The following RTTN variants were observed in gnomAD, a reference collection of about 807,000 sequenced individuals.
The protein encoded by RTTN is rotatin.
In RTTN, 182 loss-of-function variants were observed where a neutral mutation model predicts 269.2. That is an observed-to-expected ratio of 0.68 (90% CI 0.60 to 0.76). The LOEUF (loss-of-function observed/expected upper bound fraction) is 0.76. Among genes scored for constraint, RTTN ranks in the 30% least tolerant of loss-of-function variants. The pLI is 0.00. For missense variants in RTTN, 2,545 were observed against 2,608.6 expected (o/e 0.98, Z 0.53); for synonymous variants, 1,006 against 963.5 (o/e 1.04, Z -0.82).
intron 14 of RTTN, among the ~76,000 whole-genome samples, chr18:70,152,583 G>C (rs972001988): frequency 1.1e-4 from 17 of 152,058 alleles, no homozygotes; most frequent in African/African-American, 3.6e-4. Context: ...TCAAACTTAG[G>C]TTCAAAACAG....
intron 44 of RTTN, among the ~76,000 whole-genome samples, chr18:70,022,985 C>T (rs1251184096): frequency 6.6e-6 from 1 of 152,190 alleles, no homozygotes; most frequent in Non-Finnish European, 1.5e-5. Flanking sequence ...GGTAGCCAGC[C>T]TCCAAGATGG....
At chr18:70,010,344 A>G (rs1243423972) in intron 46 of RTTN, among the ~76,000 whole-genome samples, 1 of 152,066 alleles carries the variant, frequency 6.6e-6, no homozygotes, top group Non-Finnish European at 1.5e-5. Context: ...GAAGTAAAAC[A>G]CTCCTCAGCA....
intron 6 of RTTN, 142 bp from the exon 7 acceptor site, chr18:70,196,790 G>A: frequency 1.4e-6 from 1 of 719,550 alleles, no homozygotes; most frequent in East Asian, 2.7e-5. Context: ...ATAAGAAACT[G>A]AAATGGGCAA....
At chr18:70,051,384 C>T (rs1167248273) in intron 39 of RTTN, 27 bp downstream of exon 39, 10 of 1,584,152 alleles carry the variant, frequency 6.3e-6, no homozygotes, top group Non-Finnish European at 8.5e-6. Flanking sequence ...GCAGAAAGCC[C>T]CCAAGATTAT....
At chr18:70,167,395 G>C (rs917014198) in intron 12 of RTTN, among the ~76,000 whole-genome samples, 3 of 152,192 alleles carry the variant, frequency 2.0e-5, no homozygotes, top group Admixed American at 2.0e-4. Flanking sequence ...TGACCACTAG[G>C]AACACACAGG....
rs116794642 is a variant in RTTN, at chr18:70,128,214, G to T, written c.3143+144C>A. 1.6e-3 allele frequency: 1,011 copies of T among 629,426 alleles called. 7 individuals are homozygous for T. The African/African-American group carries it at 0.017, about 10-fold the overall frequency. The allele number at this position is 629,426 out of a possible 1,614,324, so 39.0% of individuals were successfully genotyped here. On this transcript the variant is annotated intron_variant, in intron 24 of 48. Transcript: ENST00000640769. The stretch of plus-strand genomic sequence containing the variant: ...TAATAAACACATGTAATATTTAAAA[G>T]AAAGTAAAAATTATAACTGTTAAAA...
intron 35 of RTTN, chr18:70,061,409 G>C (rs1354074098): frequency 8.8e-6 from 4 of 456,070 alleles, no homozygotes; most frequent in Non-Finnish European, 1.8e-5. Context: ...CCCTAAAGTG[G>C]AGAATGGAGT....
chr18:70,012,554 G>A (rs1237470261), intron 46 of RTTN, among the ~76,000 whole-genome samples: 3 of 150,132 alleles, frequency 2.0e-5, no homozygotes, highest in Non-Finnish European at 4.4e-5. Flanking sequence ...AGAGGGCAGC[G>A]TCTGCTCACT....
rs1383817005 is a variant in RTTN, at chr18:70,150,171, T to C, written c.2056-84A>G. 4.0e-6 allele frequency: 3 copies of C among 747,052 alleles called. No homozygotes were observed. In the East Asian group the frequency reaches 7.7e-5, roughly 19 times the overall value. The allele number at this position is 747,052 out of a possible 1,614,324, so 46.3% of individuals were successfully genotyped here. A position where few individuals can be genotyped will look rare whatever the true frequency, so the allele number is the denominator to read the frequency against. ...GACACACCTGGAACATTTTATAGCA[T>C]GTGGAAAGATGCTATAATTAACATC... On this transcript the variant is annotated intron_variant, in intron 15 of 48. Transcript: ENST00000640769.
chr18:70,074,482 G>A (rs957324831), intron 33 of RTTN, among the ~76,000 whole-genome samples: 1 of 151,952 alleles, frequency 6.6e-6, no homozygotes, highest in African/African-American at 2.4e-5. Context: ...TAATAATTCG[G>A]GGATAAAGGA....
intron 40 of RTTN, among the ~76,000 whole-genome samples, chr18:70,044,652 T>G (rs1029698001): frequency 2.0e-5 from 3 of 152,192 alleles, no homozygotes; most frequent in Admixed American, 6.5e-5. Context: ...TATGTGATTG[T>G]GGCCTCTCTG....
In RTTN at chr18:70,127,595, A is replaced by C. The variant is rs769982369; in HGVS notation, c.3290T>G (p.Phe1097Cys). The C allele has an allele frequency of 6.2e-7, 1 of 1,613,538 alleles. No individual in the cohort carries two copies. Among genetic ancestry groups the C allele is most frequent in the Admixed American group, 1.7e-5 (1 of 59,860 alleles). The change falls in exon 25 of 49, where the codon TTT (phenylalanine) becomes TGT (cysteine). Residue 1097 changes from phenylalanine (F) to cysteine (C), a missense_variant. Phe to Cys is a radical substitution (Grantham distance 205, BLOSUM62 -2). Transcript: ENST00000640769. ...AGACAATCTGTCATTCAGAAGATAA[A>C]AACTCATCCTGGTGACAGCAGCCCT... ...EVRAAVTRMS[F>C]YLLNDRLSLK... is the part of the protein sequence containing the mutation.
chr18:70,044,301 C>T (rs2144744386), intron 40 of RTTN, among the ~76,000 whole-genome samples: 1 of 152,290 alleles, frequency 6.6e-6, no homozygotes, highest in Middle Eastern at 3.4e-3. Context: ...ATTTGCATTA[C>T]TACTTTTAGA....
At chr18:70,184,040 A>G (rs2061477697) in intron 10 of RTTN, among the ~76,000 whole-genome samples, 1 of 152,156 alleles carries the variant, frequency 6.6e-6, no homozygotes, top group South Asian at 2.1e-4. Context: ...AGTGCTTCAG[A>G]ACCCTCCCAA....
Position 70,190,644 on chromosome 18 carries a change from C to A in RTTN, c.1083G>T (p.Leu361=), listed in dbSNP as rs778979396. The A allele has an allele frequency of 4.3e-6, 7 of 1,613,534 alleles. No homozygotes were observed. The South Asian group carries it at 6.6e-5, about 15-fold the overall frequency. Residue 361 remains leucine (L), a synonymous_variant, in exon 9 of 49, where the codon CTG becomes CTT. Coordinates refer to ENST00000640769, the MANE Select transcript of RTTN (RefSeq NM_173630.4). ...ATGTGTCTTCAGTTTCCAGCTCTGG[C>A]AGATCTATGTGTCCCATATCCAAAG... ...HSPLDMGHID[L]PELETEDTLE... is the part of the protein sequence containing the mutation.
chr18:70,182,893 T>G (rs1249279674), intron 10 of RTTN, among the ~76,000 whole-genome samples: 2 of 152,186 alleles, frequency 1.3e-5, no homozygotes, highest in Non-Finnish European at 2.9e-5. Flanking sequence ...AAAAACAAGG[T>G]ATCCTGAACT....
At chr18:70,066,052 A>T in intron 34 of RTTN, 130 bp from the exon 35 acceptor site, 1 of 486,166 alleles carries the variant, frequency 2.1e-6, no homozygotes, top group Non-Finnish European at 3.6e-6. Flanking sequence ...ATAACTAGAA[A>T]AGATTCCATA....
chr18:70,169,066 G>A lies in RTTN; in HGVS notation c.1478C>T (p.Ala493Val). Residue 493 changes from alanine (A) to valine (V), a missense_variant and splice_region_variant, in exon 12 of 49, where the codon GCA becomes GTA. By Grantham distance (64) the Ala-to-Val change is moderately conservative. Coordinates refer to ENST00000640769, the MANE Select transcript of RTTN (RefSeq NM_173630.4). The stretch of plus-strand genomic sequence containing the variant: ...CATAGGCTCTGATAAAAACTCGCTT[G>A]CCTTGGTGAATTAAAAAAACAAAAA... Reference protein sequence around the residue: ...LLQTLLPVEKASEFLSEPMST... With the variant: ...LLQTLLPVEKVSEFLSEPMST... The A allele has an allele frequency of 7.7e-6, 12 of 1,565,532 alleles. No individual in the cohort carries two copies. Among genetic ancestry groups the A allele is most frequent in the Non-Finnish European group, 9.4e-6 (11 of 1,164,780 alleles).
At position 70,069,942 on chromosome 18, in the gene RTTN, T is replaced by C. The variant is rs192847580; in HGVS notation, c.4653+3964A>G. Reference sequence around the variant, plus strand: ...TTTTAATAAATAATACCTTTCTCTATATGCCCAGGAGCAGGAAAGCTTTGG... The same window carrying C: ...TTTTAATAAATAATACCTTTCTCTACATGCCCAGGAGCAGGAAAGCTTTGG... On this transcript the variant is annotated intron_variant, in intron 34 of 48. Transcript: ENST00000640769. Among the ~76,000 whole-genome samples, 217 of 152,332 alleles carry C rather than the reference T, an allele frequency of 1.4e-3. 2 individuals are homozygous for C. Among genetic ancestry groups the C allele is most frequent in the South Asian group, 4.6e-3 (22 of 4,824 alleles).
Sources: allele counts gnomAD v4.1 joint callset (sites outside exome capture counted in the v4.1 genomes callset), GRCh38; gene constraint gnomAD v4.1.1; transcripts MANE v1.5; gene names NCBI Gene and HGNC (gene_info 2026-07-23, HGNC 2026-07-21).